The following TDRD1 variants were observed in gnomAD, a reference collection of about 807,000 sequenced individuals.
TDRD1 encodes the protein tudor domain containing 1.
A neutral mutation model predicts 140.6 loss-of-function variants in TDRD1; 37 were observed. The observed-to-expected ratio is 0.26, with a 90% CI of 0.20 to 0.35. The LOEUF (loss-of-function observed/expected upper bound fraction) is 0.35, where lower values mean the gene tolerates loss of function less well. Ranked by LOEUF, TDRD1 falls within the 10% of genes least tolerant of loss-of-function variation. The pLI is 1.00. For synonymous variants in TDRD1, 506 were observed against 475.7 expected, an observed-to-expected ratio of 1.06 and a Z score of -0.83; for missense variants, 1,243 against 1,393.0, an observed-to-expected ratio of 0.89 and a Z score of 1.71.
chr10:114,203,153 C>G (rs1352914727), exon 7 of TDRD1: 1 of 1,612,718 alleles, frequency 6.2e-7, no homozygotes, highest in Non-Finnish European at 8.5e-7. Context: ...AAGTCTACAA[C>G]TCAAGAAAAC....
chr10:114,198,808 G>C (rs2616656), intron 3 of TDRD1, among the ~76,000 whole-genome samples: 89,157 of 152,050 alleles, frequency 0.59, 28,027 homozygotes, highest in African/African-American at 0.82. Context: ...TGCCCACCAC[G>C]ACACCCGGCT....
At chr10:114,194,639 G>A (rs1434089167) in intron 3 of TDRD1, among the ~76,000 whole-genome samples, 1 of 148,054 alleles carries the variant, frequency 6.8e-6, no homozygotes, top group Non-Finnish European at 1.5e-5. Flanking sequence ...TTTTTTTCCT[G>A]TTTTTTAAAT....
chr10:114,199,331 T>A lies in TDRD1; in HGVS notation c.529+14T>A, dbSNP rs2034575187. On this transcript the variant is annotated intron_variant, in intron 4 of 25. Coordinates refer to ENST00000251864, the Ensembl canonical transcript of TDRD1. ...GTGGCCTATTTGGTAAGCATATTGT[T>A]CTTGGGTGTCTGAATTCTTCTTCCA... 6.4e-7 allele frequency: 1 copy of A among 1,571,582 alleles called. No homozygotes were observed.
intron 1 of TDRD1, among the ~76,000 whole-genome samples, chr10:114,180,707 C>T (rs1265190895): frequency 1.3e-5 from 2 of 152,138 alleles, no homozygotes; most frequent in Non-Finnish European, 2.9e-5. Flanking sequence ...TCAGGTGATC[C>T]GCCCACCTCG....
rs1446926768 is a variant in TDRD1 at position 114,222,718 on chromosome 10, G to C, written c.3007+15G>C. The stretch of plus-strand genomic sequence containing the variant: ...CAAATACACAAGTAAGGTTCTTTTA[G>C]GGAAAATATTTGAGGGAAGGTATTT... On this transcript the variant is annotated intron_variant, in intron 21 of 25. Transcript: ENST00000251864. 1 of 1,452,854 alleles carries C rather than the reference G, an allele frequency of 6.9e-7. No homozygotes were observed. Among genetic ancestry groups the C allele is most frequent in the East Asian group, 2.3e-5 (1 of 43,790 alleles). 90.0% of individuals were successfully genotyped at this position (1,452,854 alleles called of 1,614,324 possible). A position where few individuals can be genotyped will look rare whatever the true frequency, so the allele number is the denominator to read the frequency against.
chr10:114,195,690 A>G (rs1244626868), intron 3 of TDRD1, among the ~76,000 whole-genome samples: 1 of 152,212 alleles, frequency 6.6e-6, no homozygotes, highest in Non-Finnish European at 1.5e-5. Flanking sequence ...ATGTAAAATG[A>G]GTTTCTTATA....
chr10:114,214,046 C>A (rs2035653175), exon 16 of TDRD1: 1 of 1,611,750 alleles, frequency 6.2e-7, no homozygotes, highest in Non-Finnish European at 8.5e-7. Flanking sequence ...GTTGACCAAA[C>A]AGTAGATGTT....
chr10:114,229,932 G>A (rs144252856), intron 25 of TDRD1, among the ~76,000 whole-genome samples: 1,553 of 151,802 alleles, frequency 0.01, 29 homozygotes, highest in African/African-American at 0.036. Context: ...CCGGGTTCAT[G>A]CCATTCTCCT....
In TDRD1 at chr10:114,206,152, G is replaced by A. The variant is rs2035084438; in HGVS notation, c.1298-92G>A. ...AACCTATTAATAGCTATGAACGTGT[G>A]TTGTATGATTGACTTGTTTCTTCTT... On this transcript the variant is annotated intron_variant, in intron 10 of 25. Coordinates refer to ENST00000251864, the Ensembl canonical transcript of TDRD1. 4.3e-6 allele frequency: 4 copies of A among 939,930 alleles called. No homozygotes were observed. In the East Asian group the frequency reaches 1.0e-4, roughly 24 times the overall value. The allele number at this position is 939,930 out of a possible 1,614,324, so 58.2% of individuals were successfully genotyped here.
intron 10 of TDRD1, among the ~76,000 whole-genome samples, chr10:114,205,215 G>A (rs953698249): frequency 2.0e-5 from 3 of 152,296 alleles, no homozygotes; most frequent in East Asian, 1.9e-4. Context: ...CCTTATATCA[G>A]TGCTTTTTCT....
In TDRD1 at chr10:114,213,585, A is replaced by G. The variant is rs1243014676; in HGVS notation, c.2071A>G (p.Ser691Gly). 3.1e-6 allele frequency: 5 copies of G among 1,613,506 alleles called. 1 individual carries two copies. Among genetic ancestry groups the G allele is most frequent in the Middle Eastern group, 3.3e-4 (2 of 6,056 alleles). The change falls in exon 15 of 26, where the codon AGT (serine) becomes GGT (glycine). Residue 691 changes from serine to glycine, a missense_variant. Coordinates refer to ENST00000251864, the Ensembl canonical transcript of TDRD1. ...TAAACCCAGTGACGTGAAAGAAACC[A>G]GTGGTAAGTCAAATGTTTACTGGAT...
intron 11 of TDRD1, among the ~76,000 whole-genome samples, chr10:114,208,133 A>G (rs1336272690): frequency 6.6e-6 from 1 of 152,158 alleles, no homozygotes; most frequent in Middle Eastern, 3.2e-3. Context: ...ACTGAAAAAT[A>G]AGTAGGGCTA....
intron 12 of TDRD1, 33 bp downstream of exon 12, chr10:114,210,781 C>T: frequency 1.2e-6 from 2 of 1,610,736 alleles, no homozygotes; most frequent in African/African-American, 1.3e-5. Context: ...CTCTATGAAG[C>T]TAAAATACTT....
chr10:114,229,110 A>AAAT (rs1283299703), intron 25 of TDRD1, among the ~76,000 whole-genome samples: 3 of 152,106 alleles, frequency 2.0e-5, no homozygotes, highest in Non-Finnish European at 4.4e-5. Flanking sequence ...ACAAAAAAAA[A>AAAT]AACAACCTCT....
intron 1 of TDRD1, among the ~76,000 whole-genome samples, chr10:114,186,616 T>C (rs985711124): frequency 2.0e-5 from 3 of 152,182 alleles, no homozygotes; most frequent in Admixed American, 1.3e-4. Context: ...ACACAAAACA[T>C]GGCAGTTCTC....
intron 11 of TDRD1, among the ~76,000 whole-genome samples, chr10:114,210,289 T>G (rs531886576): frequency 6.6e-6 from 1 of 152,308 alleles, no homozygotes; most frequent in African/African-American, 2.4e-5. Context: ...TTTCTTGAAC[T>G]CTTTTAGGGA....
chr10:114,204,987 A>G, intron 10 of TDRD1, 94 bp downstream of exon 10: 7 of 1,140,348 alleles, frequency 6.1e-6, no homozygotes, highest in African/African-American at 1.6e-5. Flanking sequence ...AGGCCAGGTA[A>G]ACTGCCCTCT....
exon 26 of TDRD1, chr10:114,232,292 T>C (rs78350372): frequency 6.8e-5 from 10 of 146,904 alleles, no homozygotes; most frequent in African/African-American, 1.3e-4. Context: ...AATACAGTTA[T>C]CAGTTTAAGG....
At chr10:114,198,315 CG>C (rs1225829400) in intron 3 of TDRD1, among the ~76,000 whole-genome samples, 4 of 152,174 alleles carry the variant, frequency 2.6e-5, no homozygotes, top group Non-Finnish European at 5.9e-5. Context: ...CCACCTTGGT[CG>C]GGGTGGTGGC....
Sources: allele counts gnomAD v4.1 joint callset (sites outside exome capture counted in the v4.1 genomes callset), GRCh38; gene constraint gnomAD v4.1.1; transcripts MANE v1.5; gene names NCBI Gene and HGNC (gene_info 2026-07-23, HGNC 2026-07-21).